Variants in RBM3 observed in about 807,000 individuals in gnomAD.
The protein encoded by RBM3 is RNA-binding protein 3.
In RBM3, 3 loss-of-function variants were observed where a neutral mutation model predicts 12.0. That is an observed-to-expected ratio of 0.25 (90% confidence interval 0.11 to 0.65). RBM3 has a LOEUF of 0.65. RBM3 is among the 30% of genes least tolerant of loss of function. The pLI is 0.84. For synonymous variants in RBM3, 58 were observed against 45.7 expected (o/e 1.27, Z -1.08); for missense variants, 108 against 134.5 (o/e 0.80, Z 0.97).
rs1556990163 is a variant in RBM3 at position 48,580,051 on chromosome X, A to T, written c.*2610A>T. On this transcript the variant is annotated 3_prime_UTR_variant, in exon 7 of 7. Transcript: ENST00000376759. Reference sequence around the variant, plus strand: ...TTTGTCAAGAACCCACTGAGGCTAGAAACCCCCCAAACACTCAAGGTACCT... The same window carrying T: ...TTTGTCAAGAACCCACTGAGGCTAGTAACCCCCCAAACACTCAAGGTACCT... The T allele has an allele frequency of 9.0e-6, 1 of 111,343 alleles. No individual in the cohort carries two copies. Among genetic ancestry groups the T allele is most frequent in the Non-Finnish European group, 1.9e-5 (1 of 53,113 alleles). 9.2% of individuals were successfully genotyped at this position (111,343 alleles called of 1,213,427 possible).
In RBM3 at chrX:48,579,140, C is replaced by T. The variant is rs782643634; in HGVS notation, c.*1699C>T. ...TCTAGCTGGTCTTAGTTCCTCAGTT[C>T]TGCTCCCTTTAGTCATGGTTCTTTC... On this transcript the variant is annotated 3_prime_UTR_variant, in exon 7 of 7. Coordinates refer to ENST00000376759, the MANE Select transcript of RBM3 (RefSeq NM_006743.5). 9.0e-6 allele frequency: 1 copy of T among 111,424 alleles called. No individual in the cohort carries two copies. The highest frequency in any genetic ancestry group is 3.8e-4 in the South Asian group (1 of 2,629). 9.2% of individuals were successfully genotyped at this position (111,424 alleles called of 1,213,427 possible). A position where few individuals can be genotyped will look rare whatever the true frequency, so the allele number is the denominator to read the frequency against.
In RBM3 at chrX:48,576,399, G is replaced by A; in HGVS notation, c.296G>A (p.Arg99His). The A allele has an allele frequency of 8.3e-7, 1 of 1,210,554 alleles. No homozygotes were observed. Among genetic ancestry groups the A allele is most frequent in the Non-Finnish European group, 1.1e-6 (1 of 895,030 alleles). ...GGAGGTGGCTTTGGGGCCCATGGGC[G>A]TGGTCGCAGCTACTCTAGAGGTGAG... ...TRGGGFGAHG[R>H]GRSYSRGGGD... Residue 99 changes from arginine (R) to histidine (H), a missense_variant, in exon 4 of 7, where the codon CGT (arginine) becomes CAT (histidine). Coordinates refer to ENST00000376759, the MANE Select transcript of RBM3 (RefSeq NM_006743.5).
Position 48,576,389 on chromosome X carries a change from G to C in RBM3, c.286G>C (p.Ala96Pro). 1 of 1,211,024 alleles carries C rather than the reference G, an allele frequency of 8.3e-7. No individual in the cohort carries two copies. Among genetic ancestry groups the C allele is most frequent in the Admixed American group, 2.2e-5 (1 of 45,934 alleles). ...ARGTRGGGFG[A>P]HGRGRSYSRG... Reference sequence around the variant, plus strand: ...GGGAACCAGAGGAGGTGGCTTTGGGGCCCATGGGCGTGGTCGCAGCTACTC... The same window carrying C: ...GGGAACCAGAGGAGGTGGCTTTGGGCCCCATGGGCGTGGTCGCAGCTACTC... The change falls in exon 4 of 7, where the codon GCC becomes CCC. Residue 96 changes from alanine to proline, a missense_variant. Transcript: ENST00000376759.
At chrX:48,574,626 G>A in intron 1 of RBM3, 53 bp downstream of exon 1, 3 of 331,854 alleles carry the variant, frequency 9.0e-6, no homozygotes, top group South Asian at 2.6e-5. Flanking sequence ...CACGCGCCGC[G>A]CCGGCCGTGA....
At chrX:48,575,432 C>T in intron 2 of RBM3, 129 bp from the exon 3 acceptor site, 3 of 782,341 alleles carry the variant, frequency 3.8e-6, no homozygotes, top group Non-Finnish European at 5.6e-6. Context: ...TGAGGGGAAG[C>T]GTCTTTGGGA....
Position 48,577,592 on chromosome X carries a change from C to A in RBM3, c.*151C>A. On this transcript the variant is annotated 3_prime_UTR_variant, in exon 7 of 7. Transcript: ENST00000376759. ...ACCTTTTGTTTTTAAATTGACCTGC[C>A]AAGGTAGCTGAAGACCTTTTAGACA... 13 of 671,740 alleles carry A rather than the reference C, an allele frequency of 1.9e-5. No individual in the cohort carries two copies. Among genetic ancestry groups the A allele is most frequent in the Non-Finnish European group, 2.6e-5 (13 of 499,802 alleles). 55.4% of individuals were successfully genotyped at this position (671,740 alleles called of 1,213,427 possible). A position where few individuals can be genotyped will look rare whatever the true frequency, so the allele number is the denominator to read the frequency against.
Position 48,580,375 on chromosome X carries a change from TCA to T in RBM3, c.*2939_*2940del, listed in dbSNP as rs1343840041. Among the ~76,000 whole-genome samples, 1 of 111,343 alleles carries T rather than the reference TCA, an allele frequency of 9.0e-6. No homozygotes were observed. Among genetic ancestry groups the T allele is most frequent in the Non-Finnish European group, 1.9e-5 (1 of 53,062 alleles). ...TAAAATGGAAATAATAATACCCACC[TCA>T]CACAGGGGTTAGGAGTGTTTTTTTG... On this transcript the variant is annotated 3_prime_UTR_variant, in exon 7 of 7. Coordinates refer to ENST00000376759, the MANE Select transcript of RBM3 (RefSeq NM_006743.5).
In RBM3 at chrX:48,580,456, G is replaced by T. The variant is rs2062097429; in HGVS notation, c.*3015G>T. Among the ~76,000 whole-genome samples, 1 of 111,442 alleles carries T rather than the reference G, an allele frequency of 9.0e-6. No individual in the cohort carries two copies. ...CTGTCTCCCAGGCTGGAGTGCAGTG[G>T]CACAATCTCGGCTCACTGTACCCTC... On this transcript the variant is annotated 3_prime_UTR_variant, in exon 7 of 7. Transcript: ENST00000376759.
Position 48,576,536 on chromosome X carries a change from C to A in RBM3, c.345C>A (p.Gly115=). ...RGGGDQGYGS[G]RYYDSRPGGY... ...GTGGGGACCAGGGCTATGGGAGTGG[C>A]AGGTATTATGACAGTCGACCTGGAG... The change falls in exon 5 of 7, where the codon GGC becomes GGA. Residue 115 remains glycine, a synonymous_variant. Coordinates refer to ENST00000376759, the MANE Select transcript of RBM3 (RefSeq NM_006743.5). 8.4e-7 allele frequency: 1 copy of A among 1,190,769 alleles called. No homozygotes were observed. The highest frequency in any genetic ancestry group is 1.1e-6 in the Non-Finnish European group (1 of 884,437).
rs1556989290 is a variant in RBM3, at chrX:48,576,532, G to A, written c.341G>A (p.Ser114Asn). 8.4e-7 allele frequency: 1 copy of A among 1,189,919 alleles called. No homozygotes were observed. The highest frequency in any genetic ancestry group is 1.8e-5 in the African/African-American group (1 of 56,642). The change falls in exon 5 of 7, where the codon AGT becomes AAT. Residue 114 changes from serine to asparagine, a missense_variant. This residue lies in a region of RBM3 where 65 missense variants were observed against 54.9 expected (regional missense o/e 1.18). Transcript: ENST00000376759. ...GGTGGTGGGGACCAGGGCTATGGGA[G>A]TGGCAGGTATTATGACAGTCGACCT... ...SRGGGDQGYGSGRYYDSRPGG... is the reference protein window; with the variant it reads ...SRGGGDQGYGNGRYYDSRPGG...
intron 1 of RBM3, 140 bp from the exon 2 acceptor site, chrX:48,575,028 A>G: frequency 2.0e-6 from 1 of 490,028 alleles, no homozygotes; most frequent in Admixed American, 3.2e-5. Context: ...CGCCTTTCTC[A>G]GCTTTTCTGT....
rs920603252 is a variant in RBM3, at chrX:48,580,216, T to G, written c.*2775T>G. Among the ~76,000 whole-genome samples the G allele has an allele frequency of 3.6e-5, 4 of 111,701 alleles. No homozygotes were observed. Among genetic ancestry groups the G allele is most frequent in the Non-Finnish European group, 7.5e-5 (4 of 53,149 alleles). On this transcript the variant is annotated 3_prime_UTR_variant, in exon 7 of 7. Transcript: ENST00000376759. ...TCTCTTGTCAAGGGCCAGAATAAAT[T>G]AAGAGATTGGCTTTTGGTTTTCAAT...
In RBM3 at chrX:48,580,405, G is replaced by A. The variant is rs1196170259; in HGVS notation, c.*2964G>A. On this transcript the variant is annotated 3_prime_UTR_variant, in exon 7 of 7. Coordinates refer to ENST00000376759, the MANE Select transcript of RBM3 (RefSeq NM_006743.5). ...CAGGGGTTAGGAGTGTTTTTTTGTT[G>A]GTTTTTTTCCAGACAGGGTCTCACT... Among the ~76,000 whole-genome samples, 2 of 110,532 alleles carry A rather than the reference G, an allele frequency of 1.8e-5. No homozygotes were observed. The highest frequency in any genetic ancestry group is 3.8e-5 in the Non-Finnish European group (2 of 52,804).
chrX:48,578,076 C>T lies in RBM3; in HGVS notation c.*635C>T. ...AGCCTGGGCAACAGCGAGACTCCAT[C>T]TCAAAAAAAAAGGAAATGTGTATCA... On this transcript the variant is annotated 3_prime_UTR_variant, in exon 7 of 7. Coordinates refer to ENST00000376759, the MANE Select transcript of RBM3 (RefSeq NM_006743.5). The T allele has an allele frequency of 9.2e-6, 1 of 108,742 alleles. No individual in the cohort carries two copies. Among genetic ancestry groups the T allele is most frequent in the Non-Finnish European group, 1.9e-5 (1 of 52,353 alleles). The allele number at this position is 108,742 out of a possible 1,213,427, so 9.0% of individuals were successfully genotyped here.
chrX:48,577,872 T>A lies in RBM3; in HGVS notation c.*431T>A, dbSNP rs1047241596. ...AATTTCCCAATGTACCTATAAGAAA[T>A]GTGCATCAAGCCAGCCTGACCAACA... On this transcript the variant is annotated 3_prime_UTR_variant, in exon 7 of 7. Coordinates refer to ENST00000376759, the MANE Select transcript of RBM3 (RefSeq NM_006743.5). 7.7e-6 allele frequency: 1 copy of A among 130,357 alleles called. No homozygotes were observed. The highest frequency in any genetic ancestry group is 1.5e-5 in the Non-Finnish European group (1 of 66,078). The allele number at this position is 130,357 out of a possible 1,213,427, so 10.7% of individuals were successfully genotyped here.
Position 48,575,661 on chromosome X carries a change from C to T in RBM3, c.204C>T (p.Asn68=), listed in dbSNP as rs148326885. ...EHASVAMRAM[N]GESLDGRQIR... is the part of the protein sequence containing the mutation. ...CTTCAGTTGCCATGAGAGCCATGAA[C>T]GGAGAGGTGGGGCCTCCTATCTGCA... The change falls in exon 3 of 7, where the codon AAC becomes AAT. Residue 68 remains asparagine (N), a synonymous_variant. Coordinates refer to ENST00000376759, the MANE Select transcript of RBM3 (RefSeq NM_006743.5). 6.6e-6 allele frequency: 8 copies of T among 1,206,888 alleles called. No homozygotes were observed. The African/African-American group carries it at 1.4e-4, about 21-fold the overall frequency.
chrX:48,575,153 ATG>A lies in RBM3; in HGVS notation c.-13-13_-13-12del. On this transcript the variant is annotated splice_polypyrimidine_tract_variant and intron_variant, in intron 1 of 6. Coordinates refer to ENST00000376759, the MANE Select transcript of RBM3 (RefSeq NM_006743.5). ...TTTCTCCTTCCTGCCACCATTCTTC[ATG>A]TTCTTCCCACAGGACTTGAACTGCC... 8.9e-7 allele frequency: 1 copy of A among 1,125,376 alleles called. No individual in the cohort carries two copies. Among genetic ancestry groups the A allele is most frequent in the African/African-American group, 1.8e-5 (1 of 55,829 alleles). 92.7% of individuals were successfully genotyped at this position (1,125,376 alleles called of 1,213,427 possible).
rs1239819989 is a variant in RBM3, at chrX:48,579,412, C to T, written c.*1971C>T. On this transcript the variant is annotated 3_prime_UTR_variant, in exon 7 of 7. Transcript: ENST00000376759. ...TTTCCCAGCTAGTTGGGACAGGCCCCAATATCCCTTCTTCCTGTAACCCAA... is the reference window on the plus strand; with the variant it reads ...TTTCCCAGCTAGTTGGGACAGGCCCTAATATCCCTTCTTCCTGTAACCCAA... Among the ~76,000 whole-genome samples the T allele has an allele frequency of 8.9e-6, 1 of 111,856 alleles. No homozygotes were observed. Among genetic ancestry groups the T allele is most frequent in the Non-Finnish European group, 1.9e-5 (1 of 53,179 alleles).
At position 48,576,491 on chromosome X, in the gene RBM3, A is replaced by G. The variant is rs1037579545; in HGVS notation, c.317-17A>G. 3.4e-6 allele frequency: 4 copies of G among 1,191,868 alleles called. No homozygotes were observed. The African/African-American group carries it at 5.3e-5, about 16-fold the overall frequency. On this transcript the variant is annotated splice_polypyrimidine_tract_variant and intron_variant, in intron 4 of 6. Coordinates refer to ENST00000376759, the MANE Select transcript of RBM3 (RefSeq NM_006743.5). ...CTATGTGTGGACAACTGCCATTTAA[A>G]TATTTTTCTGCTCTAGGTGGTGGGG...
Sources: allele counts gnomAD v4.1 joint callset (sites outside exome capture counted in the v4.1 genomes callset), GRCh38; gene constraint gnomAD v4.1.1; regional missense constraint gnomAD v4.1.1; transcripts MANE v1.5; gene names NCBI Gene and HGNC (gene_info 2026-07-23, HGNC 2026-07-21).